The following GABBR2 variants were observed in gnomAD, a reference collection of about 807,000 sequenced individuals.
GABBR2 encodes gamma-aminobutyric acid type B receptor subunit 2.
GABBR2 carries 23 observed loss-of-function variants against 105.6 expected under a neutral mutation model. The ratio of observed to expected loss-of-function variants is 0.22; its 90% CI spans 0.16 to 0.31. GABBR2 has a LOEUF of 0.31. Ranked by LOEUF, GABBR2 falls within the 10% of genes least tolerant of loss-of-function variation. The pLI, the probability that GABBR2 is intolerant of heterozygous loss-of-function variation, is 1.00. For synonymous variants in GABBR2, 478 were observed against 499.7 expected (o/e 0.96, Z 0.58); for missense variants, 734 against 1,245.5 (o/e 0.59, Z 6.18).
intron 1 of GABBR2, among the ~76,000 whole-genome samples, chr9:98,608,441 C>A (rs1005551590): frequency 6.6e-6 from 1 of 151,958 alleles, no homozygotes; most frequent in Non-Finnish European, 1.5e-5. Flanking sequence ...CATGTTCTGA[C>A]GGTTTGATTG....
At chr9:98,549,827 G>C (rs1759313) in intron 2 of GABBR2, among the ~76,000 whole-genome samples, 152,131 of 152,326 alleles carry the variant, frequency 1, 75,968 homozygotes, top group Middle Eastern at 1. Context: ...ACCCCAGGAA[G>C]TGACCTGAGT....
chr9:98,380,663 A>G (rs977672442), intron 11 of GABBR2, among the ~76,000 whole-genome samples: 3 of 152,226 alleles, frequency 2.0e-5, no homozygotes, highest in Non-Finnish European at 1.5e-5. Context: ...TGTTCTCAAG[A>G]CTTGGAGAAA....
intron 12 of GABBR2, among the ~76,000 whole-genome samples, chr9:98,370,947 CTCTTT>C (rs1831770304): frequency 6.6e-6 from 1 of 152,116 alleles, no homozygotes; most frequent in South Asian, 2.1e-4. Context: ...TTTCACTCCT[CTCTTT>C]TAAGGGCTCC....
At chr9:98,374,782 T>A (rs113958062) in intron 11 of GABBR2, among the ~76,000 whole-genome samples, 3,253 of 152,252 alleles carry the variant, frequency 0.021, 119 homozygotes, top group African/African-American at 0.074. Context: ...GGACTTTGCC[T>A]CCCCACGTGC....
chr9:98,695,168 A>T (rs1830733314), intron 1 of GABBR2, among the ~76,000 whole-genome samples: 1 of 152,162 alleles, frequency 6.6e-6, no homozygotes, highest in African/African-American at 2.4e-5. Context: ...ACACATTTGC[A>T]AGGCACCAGG....
chr9:98,395,428 C>T (rs541602248), intron 8 of GABBR2, among the ~76,000 whole-genome samples: 1 of 151,810 alleles, frequency 6.6e-6, no homozygotes. Context: ...GGGGGGCGAG[C>T]AGGAGTCATC....
chr9:98,333,027 G>A (rs1054409591), intron 13 of GABBR2, among the ~76,000 whole-genome samples: 1 of 152,160 alleles, frequency 6.6e-6, no homozygotes, highest in South Asian at 2.1e-4. Context: ...CCAGGAACAC[G>A]CTGGGCTGGG....
At chr9:98,682,816 C>G (rs527975472) in intron 1 of GABBR2, among the ~76,000 whole-genome samples, 1 of 152,234 alleles carries the variant, frequency 6.6e-6, no homozygotes, top group African/African-American at 2.4e-5. Flanking sequence ...ATACATTCAA[C>G]CTTTCTGATA....
intron 3 of GABBR2, among the ~76,000 whole-genome samples, chr9:98,510,903 A>T (rs1378496716): frequency 6.6e-6 from 1 of 152,216 alleles, no homozygotes; most frequent in Non-Finnish European, 1.5e-5. Context: ...CACCAAGCAG[A>T]CCTAATAGAC....
At chr9:98,604,934 A>T (rs1829391549) in intron 1 of GABBR2, among the ~76,000 whole-genome samples, 1 of 152,134 alleles carries the variant, frequency 6.6e-6, no homozygotes, top group Non-Finnish European at 1.5e-5. Flanking sequence ...TCCAGTAAAT[A>T]ATGACTGAGC....
chr9:98,412,348 A>C (rs1832605930), intron 7 of GABBR2, among the ~76,000 whole-genome samples: 1 of 152,226 alleles, frequency 6.6e-6, no homozygotes, highest in Admixed American at 6.5e-5. Context: ...TTTTCTTCCT[A>C]AATATGACTC....
intron 1 of GABBR2, among the ~76,000 whole-genome samples, chr9:98,674,108 G>A (rs1179380611): frequency 1.4e-5 from 2 of 146,982 alleles, no homozygotes; most frequent in Non-Finnish European, 3.1e-5. Context: ...AGAGGGAACA[G>A]GGGGTTTTTA....
intron 13 of GABBR2, among the ~76,000 whole-genome samples, chr9:98,322,441 C>T (rs951482386): frequency 1.3e-4 from 20 of 152,118 alleles, no homozygotes; most frequent in African/African-American, 4.3e-4. Flanking sequence ...TCGGTCAGGA[C>T]CTGGTCTCCT....
At chr9:98,337,273 C>T (rs915582158) in intron 13 of GABBR2, among the ~76,000 whole-genome samples, 2 of 152,126 alleles carry the variant, frequency 1.3e-5, no homozygotes, top group Admixed American at 6.5e-5. Context: ...CCAATGCACT[C>T]CCGCCTGGGT....
intron 5 of GABBR2, among the ~76,000 whole-genome samples, chr9:98,479,164 T>C (rs1336802393): frequency 6.6e-6 from 1 of 152,232 alleles, no homozygotes; most frequent in Non-Finnish European, 1.5e-5. Context: ...TCTCCACTGA[T>C]AAATAGAATG....
chr9:98,501,130 C>CA (rs1404601266), intron 3 of GABBR2, among the ~76,000 whole-genome samples: 3 of 144,400 alleles, frequency 2.1e-5, no homozygotes, highest in South Asian at 2.3e-4. Context: ...CCACTGCCCC[C>CA]CCCCCTTCCC....
chr9:98,428,391 G>A (rs776592830), intron 7 of GABBR2, among the ~76,000 whole-genome samples: 1 of 152,200 alleles, frequency 6.6e-6, no homozygotes, highest in Non-Finnish European at 1.5e-5. Flanking sequence ...GGAAGGCAAA[G>A]GCTGCACCTG....
intron 6 of GABBR2, among the ~76,000 whole-genome samples, chr9:98,463,908 T>G (rs1265853375): frequency 6.6e-6 from 1 of 152,208 alleles, no homozygotes; most frequent in Non-Finnish European, 1.5e-5. Context: ...GGTGCTGGGA[T>G]TGCAGATGGA....
chr9:98,343,241 C>A (rs1831244951), intron 13 of GABBR2, among the ~76,000 whole-genome samples: 1 of 151,734 alleles, frequency 6.6e-6, no homozygotes, highest in Non-Finnish European at 1.5e-5. Context: ...GTAGGGAATT[C>A]CTGACATAGG....
Sources: gnomAD v4.1 joint callset for allele counts (sites outside exome capture counted in the v4.1 genomes callset) on GRCh38, gnomAD v4.1.1 for gene constraint, MANE v1.5 for transcripts, NCBI Gene and HGNC (gene_info 2026-07-23, HGNC 2026-07-21) for gene names.